The following CNTNAP2 variants were observed in gnomAD, a reference collection of about 807,000 sequenced individuals.
The protein encoded by CNTNAP2 is contactin-associated protein-like 2.
Under a neutral mutation model 155.2 loss-of-function variants are expected in CNTNAP2, and 98 were observed. The observed-to-expected ratio is 0.63, with a 90% confidence interval of 0.54 to 0.75. The LOEUF (loss-of-function observed/expected upper bound fraction) is 0.75, where lower values mean the gene tolerates loss of function less well. Ranked by LOEUF, CNTNAP2 falls within the 30% of genes least tolerant of loss-of-function variation. CNTNAP2 has a pLI of 0.00. For missense variants in CNTNAP2, 1,727 were observed against 1,688.1 expected (o/e 1.02, Z -0.40); for synonymous variants, 651 against 631.2 (o/e 1.03, Z -0.47).
rs761905637 is a variant in CNTNAP2, at chr7:148,217,524, G to A, written c.3247G>A (p.Gly1083Arg). 3 of 1,613,964 alleles carry A rather than the reference G, an allele frequency of 1.9e-6. No individual in the cohort carries two copies. The South Asian group carries it at 3.3e-5, about 18-fold the overall frequency. ...CTTGGCAGTCCTCGTCAAACCCACT[G>A]GTAAGGACAAGGATACCCAGCCTCT... Reference protein sequence around the residue: ...DFLAVLVKPTGSLQIRYNLGG... With the variant: ...DFLAVLVKPTRSLQIRYNLGG... The change falls in exon 19 of 24, where the codon GGA (glycine) becomes AGA (arginine). Residue 1083 changes from glycine (G) to arginine (R), a missense_variant and splice_region_variant. By Grantham distance (125) the Gly-to-Arg change is moderately radical. Transcript: ENST00000361727.
chr7:146,609,043 T>C (rs1799092590), intron 1 of CNTNAP2, among the ~76,000 whole-genome samples: 1 of 152,168 alleles, frequency 6.6e-6, no homozygotes, highest in African/African-American at 2.4e-5. Context: ...CCATGCATAC[T>C]TGGAGACACT....
intron 1 of CNTNAP2, among the ~76,000 whole-genome samples, chr7:146,286,276 A>G (rs991567530): frequency 6.6e-6 from 1 of 151,650 alleles, no homozygotes; most frequent in Non-Finnish European, 1.5e-5. Flanking sequence ...AATGAGAACA[A>G]TGATAACTTC....
At chr7:147,216,817 C>T (rs1327384770) in intron 8 of CNTNAP2, among the ~76,000 whole-genome samples, 2 of 152,012 alleles carry the variant, frequency 1.3e-5, no homozygotes, top group Admixed American at 1.3e-4. Flanking sequence ...CTTGAACATA[C>T]ATTATCTATC....
At chr7:147,506,219 G>A (rs1798903235) in intron 11 of CNTNAP2, among the ~76,000 whole-genome samples, 1 of 152,028 alleles carries the variant, frequency 6.6e-6, no homozygotes, top group African/African-American at 2.4e-5. Context: ...CAAAGGCTCG[G>A]GTCCTTCAAG....
At chr7:147,047,105 C>CTTTTTTT (rs34699998) in intron 4 of CNTNAP2, among the ~76,000 whole-genome samples, 2 of 99,806 alleles carry the variant, frequency 2.0e-5, no homozygotes, top group Non-Finnish European at 4.1e-5. Context: ...AGTTATGTTT[C>CTTTTTTT]TTTTTTTTTT....
At chr7:146,224,473 C>T (rs1043440958) in intron 1 of CNTNAP2, among the ~76,000 whole-genome samples, 71 of 149,078 alleles carry the variant, frequency 4.8e-4, no homozygotes, top group African/African-American at 1.6e-3. Context: ...TGGGGCCGGG[C>T]GCGATGGCTT....
At chr7:147,476,791 G>A (rs1386383429) in intron 10 of CNTNAP2, among the ~76,000 whole-genome samples, 1 of 152,034 alleles carries the variant, frequency 6.6e-6, no homozygotes, top group Admixed American at 6.5e-5. Context: ...AGCCAGGTGT[G>A]GTGGCAGGCA....
intron 17 of CNTNAP2, among the ~76,000 whole-genome samples, chr7:148,151,899 A>G (rs889647803): frequency 3.9e-5 from 6 of 152,174 alleles, no homozygotes; most frequent in Admixed American, 3.9e-4. Context: ...ACAGTCAGCC[A>G]AGAAATCAGA....
At chr7:146,226,134 C>T (rs1265547453) in intron 1 of CNTNAP2, among the ~76,000 whole-genome samples, 2 of 152,144 alleles carry the variant, frequency 1.3e-5, no homozygotes, top group Non-Finnish European at 1.5e-5. Context: ...TCTGTGGTGA[C>T]CCAACCTCTT....
At chr7:147,412,933 A>G (rs944412288) in intron 10 of CNTNAP2, among the ~76,000 whole-genome samples, 1 of 152,234 alleles carries the variant, frequency 6.6e-6, no homozygotes, top group African/African-American at 2.4e-5. Flanking sequence ...CAAGGAATTC[A>G]TAAACTTTTG....
At chr7:146,905,978 T>C (rs1033805738) in intron 3 of CNTNAP2, among the ~76,000 whole-genome samples, 2 of 152,292 alleles carry the variant, frequency 1.3e-5, no homozygotes, top group Non-Finnish European at 1.5e-5. Context: ...GGGCGAGGCA[T>C]TGCCTCACCT....
chr7:146,894,064 A>G (rs1489523831), intron 3 of CNTNAP2, among the ~76,000 whole-genome samples: 2 of 152,214 alleles, frequency 1.3e-5, no homozygotes, highest in Admixed American at 6.5e-5. Context: ...TGCTCACTGC[A>G]GAGGTGTCGA....
At chr7:146,580,242 T>C (rs978189057) in intron 1 of CNTNAP2, among the ~76,000 whole-genome samples, 1 of 152,188 alleles carries the variant, frequency 6.6e-6, no homozygotes, top group African/African-American at 2.4e-5. Context: ...ACCAGAATTA[T>C]GTGACTTGTT....
intron 1 of CNTNAP2, among the ~76,000 whole-genome samples, chr7:146,734,463 C>T (rs1801577482): frequency 6.6e-6 from 1 of 151,986 alleles, no homozygotes; most frequent in African/African-American, 2.4e-5. Context: ...CAACCTAGTT[C>T]AAAATCTATA....
At chr7:146,826,857 T>TATATATATAGAGAGAG (rs773069615) in intron 2 of CNTNAP2, among the ~76,000 whole-genome samples, 2 of 138,970 alleles carry the variant, frequency 1.4e-5, no homozygotes, top group Admixed American at 7.4e-5. Context: ...TATATATATA[T>TATATATATAGAGAGAG]AGAGAGAGAG....
chr7:147,988,603 C>A (rs895814134), intron 15 of CNTNAP2, among the ~76,000 whole-genome samples: 15 of 133,408 alleles, frequency 1.1e-4, no homozygotes, highest in Middle Eastern at 3.7e-3. Context: ...TAAAAAAAAA[C>A]AATCAGAGTT....
chr7:146,324,945 T>A (rs1264014417), intron 1 of CNTNAP2, among the ~76,000 whole-genome samples: 1 of 151,756 alleles, frequency 6.6e-6, no homozygotes, highest in African/African-American at 2.4e-5. Context: ...GACAATATAG[T>A]TTTTTTGGAT....
chr7:148,386,924 T>C (rs368467228), intron 22 of CNTNAP2, among the ~76,000 whole-genome samples: 2 of 152,258 alleles, frequency 1.3e-5, no homozygotes, highest in East Asian at 3.9e-4. Flanking sequence ...GAGGAACAGA[T>C]GGATTTCTAG....
At chr7:147,682,951 A>C (rs1307447852) in intron 13 of CNTNAP2, among the ~76,000 whole-genome samples, 1 of 151,890 alleles carries the variant, frequency 6.6e-6, no homozygotes, top group Non-Finnish European at 1.5e-5. Context: ...ATGGGTAAAA[A>C]ACATCTAAAG....
Sources: gnomAD v4.1 joint callset for allele counts (sites outside exome capture counted in the v4.1 genomes callset) on GRCh38, gnomAD v4.1.1 for gene constraint, MANE v1.5 for transcripts, NCBI Gene and HGNC (gene_info 2026-07-23, HGNC 2026-07-21) for gene names.